KCNN2: variants seen among roughly 807,000 people sequenced by gnomAD.
The protein encoded by KCNN2 is small conductance calcium-activated potassium channel protein 2.
In KCNN2, 24 loss-of-function variants were observed where a neutral mutation model predicts 55.5. The observed-to-expected ratio is 0.43, with a 90% CI of 0.31 to 0.61. The LOEUF is 0.61. Ranked by LOEUF, KCNN2 falls within the 20% of genes least tolerant of loss-of-function variation. The probability of loss-of-function intolerance (pLI) is 0.08; values close to 1 mark genes in which losing one functional copy is unlikely to be tolerated. For missense variants in KCNN2, 754 were observed against 853.6 expected (o/e 0.88, Z 1.45); for synonymous variants, 431 against 336.1 (o/e 1.28, Z -3.09).
intron 1 of KCNN2, among the ~76,000 whole-genome samples, chr5:114,117,256 C>G (rs1751724381): frequency 6.6e-6 from 1 of 152,182 alleles, no homozygotes; most frequent in South Asian, 2.1e-4. Context: ...TGTGGCCACT[C>G]TGAGAACCGC....
chr5:114,371,522 C>A (rs1343231847), intron 2 of KCNN2, among the ~76,000 whole-genome samples: 4 of 152,090 alleles, frequency 2.6e-5, no homozygotes, highest in Non-Finnish European at 5.9e-5. Flanking sequence ...GGTCTCTTAA[C>A]ATGGGGTAGG....
intron 3 of KCNN2, among the ~76,000 whole-genome samples, chr5:114,439,313 A>G (rs1048785893): frequency 6.6e-6 from 1 of 152,188 alleles, no homozygotes; most frequent in African/African-American, 2.4e-5. Context: ...CTTTTTTTAA[A>G]GAGAAAACTG....
chr5:114,150,806 C>T (rs571965486), intron 1 of KCNN2, among the ~76,000 whole-genome samples: 25 of 152,242 alleles, frequency 1.6e-4, no homozygotes, highest in African/African-American at 4.6e-4. Flanking sequence ...CAGATCACCT[C>T]GGGTTGGGAG....
chr5:114,276,750 C>T (rs1277754581), intron 2 of KCNN2, among the ~76,000 whole-genome samples: 1 of 150,030 alleles, frequency 6.7e-6, no homozygotes, highest in Non-Finnish European at 1.5e-5. Context: ...AGATGGGTCT[C>T]CTGAATACAG....
At position 114,227,683 on chromosome 5, in the gene KCNN2, T is replaced by C. The variant is rs927613533; in HGVS notation, c.-185+6118T>C. 1.4e-4 allele frequency among the ~76,000 whole-genome samples: 22 copies of C among 152,164 alleles called. 1 individual carries two copies. Among genetic ancestry groups the C allele is most frequent in the Admixed American group, 1.2e-3 (19 of 15,278 alleles). On this transcript the variant is annotated intron_variant, in intron 2 of 10. Coordinates refer to the KCNN2 transcript ENST00000512097. Reference sequence around the variant, plus strand: ...GGCTTAGTGGAAAAGTAATAAAATTTGAAATCAGAAAAAAAGTATGAAACC... The same window carrying C: ...GGCTTAGTGGAAAAGTAATAAAATTCGAAATCAGAAAAAAAGTATGAAACC...
chr5:114,364,354 C>T (rs1352110240), intron 2 of KCNN2, among the ~76,000 whole-genome samples: 1 of 152,126 alleles, frequency 6.6e-6, no homozygotes, highest in Non-Finnish European at 1.5e-5. Context: ...TTGTTTGAGA[C>T]ACCTCTTCCT....
At chr5:114,186,130 A>G (rs1194651135) in intron 1 of KCNN2, among the ~76,000 whole-genome samples, 2 of 152,220 alleles carry the variant, frequency 1.3e-5, no homozygotes, top group Admixed American at 6.5e-5. Context: ...AATGTGTGCA[A>G]TCTTAAATGT....
chr5:114,392,397 T>G (rs1758473575), intron 2 of KCNN2, among the ~76,000 whole-genome samples: 1 of 152,072 alleles, frequency 6.6e-6, no homozygotes, highest in South Asian at 2.1e-4. Flanking sequence ...TAGAGAGGAG[T>G]TGGCAATTCA....
chr5:114,468,731 A>G (rs1761567795), intron 4 of KCNN2, among the ~76,000 whole-genome samples: 1 of 152,190 alleles, frequency 6.6e-6, no homozygotes, highest in African/African-American at 2.4e-5. Context: ...TTTCATTATT[A>G]TGTTGAATCT....
chr5:114,281,318 T>C (rs1283080370), intron 2 of KCNN2, among the ~76,000 whole-genome samples: 1 of 152,194 alleles, frequency 6.6e-6, no homozygotes, highest in Non-Finnish European at 1.5e-5. Context: ...ATACTATTTT[T>C]AGGATGAATA....
intron 2 of KCNN2, among the ~76,000 whole-genome samples, chr5:114,339,818 T>C (rs257464): frequency 0.36 from 50,465 of 138,974 alleles, 9,966 homozygotes; most frequent in East Asian, 0.83. Flanking sequence ...AACAAACAAA[T>C]AAATAAATAA....
At chr5:114,169,896 C>T (rs1752997154) in intron 1 of KCNN2, among the ~76,000 whole-genome samples, 1 of 152,004 alleles carries the variant, frequency 6.6e-6, no homozygotes, top group Admixed American at 6.6e-5. Flanking sequence ...TAATTTTGAG[C>T]AGTGTGAAAT....
At chr5:114,179,237 T>G (rs1220959702) in intron 1 of KCNN2, among the ~76,000 whole-genome samples, 1 of 152,202 alleles carries the variant, frequency 6.6e-6, no homozygotes, top group Non-Finnish European at 1.5e-5. Flanking sequence ...GCTGCAGTCA[T>G]CTCAAGGCTT....
intron 1 of KCNN2, among the ~76,000 whole-genome samples, chr5:114,152,298 T>C (rs557608945): frequency 6.6e-6 from 1 of 152,358 alleles, no homozygotes; most frequent in East Asian, 1.9e-4. Flanking sequence ...ATCTTCATTT[T>C]AGCACAATAA....
chr5:114,189,156 A>ATGTG (rs1050864413), intron 1 of KCNN2, among the ~76,000 whole-genome samples: 4 of 52,060 alleles, frequency 7.7e-5, no homozygotes, highest in Non-Finnish European at 1.8e-4. Flanking sequence ...GTGTGTGTGT[A>ATGTG]TGTGTGTGTG....
chr5:114,381,623 A>G (rs1758128624), intron 2 of KCNN2, among the ~76,000 whole-genome samples: 1 of 152,106 alleles, frequency 6.6e-6, no homozygotes, highest in Non-Finnish European at 1.5e-5. Flanking sequence ...CTAATTCTTG[A>G]TTTTACAAAA....
chr5:114,300,300 A>G (rs1010224755), intron 2 of KCNN2, among the ~76,000 whole-genome samples: 1 of 151,228 alleles, frequency 6.6e-6, no homozygotes, highest in Non-Finnish European at 1.5e-5. Context: ...ATGGAAATCA[A>G]CTCTTTGTTC....
Position 114,397,201 on chromosome 5 carries a change from T to C in KCNN2, c.1219-7237T>C, listed in dbSNP as rs372294264. On this transcript the variant is annotated intron_variant, in intron 2 of 7. Transcript: ENST00000673685. ...GTGAACATACGCGTACGTGTATCTT[T>C]ATGGCGAAATGATTTATAATCCTTT... Among the ~76,000 whole-genome samples the C allele has an allele frequency of 7.9e-5, 12 of 152,208 alleles. No homozygotes were observed. In the East Asian group the frequency reaches 9.6e-4, roughly 12 times the overall value.
chr5:114,414,586 C>T (rs1259370381), intron 3 of KCNN2, among the ~76,000 whole-genome samples: 2 of 152,072 alleles, frequency 1.3e-5, no homozygotes, highest in African/African-American at 2.4e-5. Context: ...TCCCATGAGT[C>T]AATAAATAGT....
Sources: allele counts gnomAD v4.1 joint callset (sites outside exome capture counted in the v4.1 genomes callset), GRCh38; gene constraint gnomAD v4.1.1; transcripts MANE v1.5; gene names NCBI Gene and HGNC (gene_info 2026-07-23, HGNC 2026-07-21).